NSFL1C: variants seen among roughly 807,000 people sequenced by gnomAD.
NSFL1C encodes NSFL1 cofactor, also known as NSFL1 cofactor p47.
In NSFL1C, 14 loss-of-function variants were observed where a neutral mutation model predicts 43.1. The ratio of observed to expected loss-of-function variants is 0.32; its 90% CI spans 0.21 to 0.51. The LOEUF is 0.51. Ranked by LOEUF, NSFL1C falls within the 20% of genes least tolerant of loss-of-function variation. The pLI is 0.98. For missense variants in NSFL1C, 406 were observed against 472.5 expected, an observed-to-expected ratio of 0.86 and a Z score of 1.30; for synonymous variants, 171 against 183.5, an observed-to-expected ratio of 0.93 and a Z score of 0.55.
chr20:1,464,513 G>C, intron 1 of NSFL1C, 87 bp from the exon 2 acceptor site: 1 of 1,057,304 alleles, frequency 9.5e-7, no homozygotes, highest in Non-Finnish European at 1.5e-6. Flanking sequence ...ATACAGACAT[G>C]GCCAACACTT....
chr20:1,462,275 A>C (rs1221419428), intron 2 of NSFL1C, among the ~76,000 whole-genome samples: 4 of 152,184 alleles, frequency 2.6e-5, no homozygotes, highest in Admixed American at 2.0e-4. Context: ...AGGTGCTAGC[A>C]CAAGTTTGGT....
chr20:1,455,586 G>GTT, intron 3 of NSFL1C: 1 of 762,340 alleles, frequency 1.3e-6, no homozygotes, highest in East Asian at 2.5e-5. Flanking sequence ...CACTGGCATG[G>GTT]TTAGTACAAG....
rs751621318 is a variant in NSFL1C, at chr20:1,453,097, T to C, written c.581A>G (p.Asp194Gly). The C allele has an allele frequency of 9.3e-6, 15 of 1,613,234 alleles. No individual in the cohort carries two copies. Among genetic ancestry groups the C allele is most frequent in the Admixed American group, 5.0e-5 (3 of 59,994 alleles). ...LKLWKSGFSL[D>G]NGELRSYQDP... ...TTGGTAGCTTCTGAGTTCTCCATTA[T>C]CCAGGCTGAATCCACTCTTCCAGAG... is the stretch of plus-strand genomic sequence containing the variant. The change falls in exon 6 of 9, where the codon GAT becomes GGT. Residue 194 changes from aspartate (D) to glycine (G), a missense_variant. Physicochemically the swap from Asp to Gly is moderately conservative, Grantham distance 94. Around this residue, in one of 3 missense-constraint regions of NSFL1C, gnomAD observed 196 missense variants for 228.0 expected, o/e 0.86. Transcript: ENST00000216879.
intron 3 of NSFL1C, chr20:1,455,565 G>C (rs1187406796): frequency 1.4e-6 from 1 of 731,844 alleles, no homozygotes; most frequent in African/African-American, 1.7e-5. Context: ...GTGACTTGGG[G>C]TTAATGGTGG....
chr20:1,459,829 T>C (rs535535414), intron 2 of NSFL1C, among the ~76,000 whole-genome samples: 50 of 152,352 alleles, frequency 3.3e-4, no homozygotes, highest in African/African-American at 1.2e-3. Flanking sequence ...AAAGGGAATT[T>C]TCCATACATG....
At chr20:1,466,191 G>A (rs1483903672) in intron 1 of NSFL1C, among the ~76,000 whole-genome samples, 1 of 152,170 alleles carries the variant, frequency 6.6e-6, no homozygotes, top group African/African-American at 2.4e-5. Flanking sequence ...CAATTTCCAC[G>A]AGACTCCCAT....
intron 7 of NSFL1C, among the ~76,000 whole-genome samples, chr20:1,451,129 A>G (rs2090172181): frequency 1.3e-5 from 2 of 152,224 alleles, no homozygotes; most frequent in Admixed American, 1.3e-4. Flanking sequence ...AAAGCTCATC[A>G]CAACTGACAG....
At chr20:1,460,950 G>A (rs913326239) in intron 2 of NSFL1C, among the ~76,000 whole-genome samples, 1 of 152,182 alleles carries the variant, frequency 6.6e-6, no homozygotes, top group African/African-American at 2.4e-5. Context: ...CTGGCAGGGA[G>A]GTAGCATGTG....
At chr20:1,447,562 T>C (rs903943088) in intron 7 of NSFL1C, among the ~76,000 whole-genome samples, 2 of 152,088 alleles carry the variant, frequency 1.3e-5, no homozygotes, top group African/African-American at 4.8e-5. Context: ...TGATCTACAC[T>C]ATCTCGTTTT....
chr20:1,444,660 C>T (rs898440946), intron 8 of NSFL1C, among the ~76,000 whole-genome samples: 1 of 152,214 alleles, frequency 6.6e-6, no homozygotes, highest in African/African-American at 2.4e-5. Context: ...AGGGCATGGA[C>T]CTGCAGGATT....
intron 6 of NSFL1C, 109 bp from the exon 7 acceptor site, chr20:1,452,739 C>T: frequency 7.2e-7 from 1 of 1,384,044 alleles, no homozygotes; most frequent in Non-Finnish European, 9.9e-7. Flanking sequence ...ATCGCTGGGC[C>T]TCCAAAGGGA....
At chr20:1,454,082 C>T in intron 5 of NSFL1C, 131 bp downstream of exon 5, 3 of 708,346 alleles carry the variant, frequency 4.2e-6, no homozygotes, top group South Asian at 3.5e-5. Flanking sequence ...TCGTGAACCA[C>T]AGCAAGGGCA....
intron 3 of NSFL1C, 185 bp downstream of exon 3, chr20:1,458,015 C>G (rs549302414): frequency 7.7e-6 from 4 of 516,536 alleles, no homozygotes; most frequent in Non-Finnish European, 1.4e-5. Context: ...AGTAACGGAA[C>G]AGGGGTCACT....
chr20:1,454,138 A>G, intron 5 of NSFL1C, 75 bp downstream of exon 5: 2 of 1,173,440 alleles, frequency 1.7e-6, no homozygotes, highest in Non-Finnish European at 2.6e-6. Context: ...TTAATGCACA[A>G]TATGTAACCA....
At chr20:1,449,484 T>C (rs1483336300) in intron 7 of NSFL1C, among the ~76,000 whole-genome samples, 5 of 152,310 alleles carry the variant, frequency 3.3e-5, no homozygotes, top group Admixed American at 6.5e-5. Context: ...AGTTCCATAG[T>C]GCTCTAATCA....
chr20:1,456,030 C>T, intron 3 of NSFL1C: 2 of 408,418 alleles, frequency 4.9e-6, no homozygotes, highest in Non-Finnish European at 9.1e-6. Flanking sequence ...GCCTGGCCCA[C>T]TGCCTCCTTA....
At chr20:1,466,583 C>G in intron 1 of NSFL1C, 137 bp downstream of exon 1, 1 of 780,620 alleles carries the variant, frequency 1.3e-6, no homozygotes, top group Non-Finnish European at 2.0e-6. Context: ...ACAAGCGGTC[C>G]CGGGACCATG....
At chr20:1,460,502 A>G (rs1208169375) in intron 2 of NSFL1C, among the ~76,000 whole-genome samples, 3 of 152,282 alleles carry the variant, frequency 2.0e-5, no homozygotes, top group South Asian at 4.1e-4. Flanking sequence ...CTTTTGTCCT[A>G]TGGTCTCTAC....
At chr20:1,448,723 C>T (rs1232356998) in intron 7 of NSFL1C, among the ~76,000 whole-genome samples, 1 of 152,158 alleles carries the variant, frequency 6.6e-6, no homozygotes, top group Non-Finnish European at 1.5e-5. Context: ...TAACCCCCAG[C>T]CTATGAGGTA....
Sources: gnomAD v4.1 joint callset for allele counts (sites outside exome capture counted in the v4.1 genomes callset) on GRCh38, gnomAD v4.1.1 for gene constraint, gnomAD v4.1.1 regional missense constraint, MANE v1.5 for transcripts, NCBI Gene and HGNC (gene_info 2026-07-23, HGNC 2026-07-21) for gene names.